Variants in FLNB observed in about 807,000 individuals in gnomAD.
The protein encoded by FLNB is filamin-B.
Under a neutral mutation model 250.6 loss-of-function variants are expected in FLNB, and 111 were observed. That is an observed-to-expected ratio of 0.44 (90% CI 0.38 to 0.52). FLNB has a LOEUF of 0.52. Among genes scored for constraint, FLNB ranks in the 20% least tolerant of loss-of-function variants. FLNB has a pLI of 0.00. For missense variants in FLNB, 2,869 were observed against 3,447.8 expected, an observed-to-expected ratio of 0.83 and a Z score of 4.20; for synonymous variants, 1,302 against 1,372.1, an observed-to-expected ratio of 0.95 and a Z score of 1.13.
chr3:58,112,266 T>C lies in FLNB; in HGVS notation c.2693T>C (p.Ile898Thr), dbSNP rs751936743. 6.2e-7 allele frequency: 1 copy of C among 1,614,024 alleles called. No homozygotes were observed. The highest frequency in any genetic ancestry group is 1.1e-5 in the South Asian group (1 of 91,074). ...LPGDAVKDLDIIDNYDYSHTV... is the reference protein window; with the variant it reads ...LPGDAVKDLDTIDNYDYSHTV... ...GGCGATGCAGTGAAGGATTTGGATA[T>C]CATCGATAATTATGACTACTCTCAC... is the stretch of plus-strand genomic sequence containing the variant. Residue 898 changes from isoleucine (I) to threonine (T), a missense_variant, in exon 18 of 46, where the codon ATC becomes ACC. Ile to Thr is a moderately conservative substitution (Grantham distance 89, BLOSUM62 -1). Around this residue, in one of 5 missense-constraint regions of FLNB, gnomAD observed 1,348 missense variants for 1,466.7 expected, o/e 0.92. Coordinates refer to ENST00000295956, the MANE Select transcript of FLNB (RefSeq NM_001457.4).
rs901890846 is a variant in FLNB at position 58,169,323 on chromosome 3, G to C, written c.7418-267G>C. ...CCACAGGCACATCTTTGGTGGGTAGGGGGTGGGGGGATTGGGAGGGTCCTT... is the reference window on the plus strand; with the variant it reads ...CCACAGGCACATCTTTGGTGGGTAGCGGGTGGGGGGATTGGGAGGGTCCTT... On this transcript the variant is annotated intron_variant, in intron 44 of 45. Coordinates refer to ENST00000295956, the MANE Select transcript of FLNB (RefSeq NM_001457.4). This position sits in a 1 kb window ranked among gnomAD's most constrained non-coding sequence, Gnocchi z 4.8. The C allele has an allele frequency of 5.8e-6, 3 of 516,788 alleles. No homozygotes were observed. Among genetic ancestry groups the C allele is most frequent in the African/African-American group, 5.8e-5 (3 of 52,166 alleles). 32.0% of individuals were successfully genotyped at this position (516,788 alleles called of 1,614,324 possible). A position where few individuals can be genotyped will look rare whatever the true frequency, so the allele number is the denominator to read the frequency against.
At chr3:58,039,789 A>G (rs897395844) in intron 1 of FLNB, among the ~76,000 whole-genome samples, 5 of 152,108 alleles carry the variant, frequency 3.3e-5, no homozygotes, top group Non-Finnish European at 5.9e-5. Flanking sequence ...GGTGGTGGGG[A>G]GGGTAGCACT....
At chr3:58,132,109 C>CT in intron 25 of FLNB, 1 of 840,036 alleles carries the variant, frequency 1.2e-6, no homozygotes, top group South Asian at 1.5e-5. Context: ...GCCTCATCTG[C>CT]TTTGCTTAAT....
At chr3:58,031,366 C>T (rs1364831419) in intron 1 of FLNB, among the ~76,000 whole-genome samples, 1 of 151,948 alleles carries the variant, frequency 6.6e-6, no homozygotes, top group Non-Finnish European at 1.5e-5. Context: ...CCTCAGCCTC[C>T]CGAGTAGCTG....
At chr3:58,027,511 G>A (rs977914642) in intron 1 of FLNB, among the ~76,000 whole-genome samples, 1 of 151,846 alleles carries the variant, frequency 6.6e-6, no homozygotes, top group African/African-American at 2.4e-5. Context: ...TGAATTCCTG[G>A]CCTCAATTGA....
intron 26 of FLNB, among the ~76,000 whole-genome samples, chr3:58,134,309 AAC>A (rs2097312612): frequency 6.6e-6 from 1 of 152,204 alleles, no homozygotes; most frequent in Non-Finnish European, 1.5e-5. Context: ...TCTGAGGTGG[AAC>A]AGTTTTATCC....
At chr3:58,130,962 G>C in intron 25 of FLNB, 54 bp downstream of exon 25, 1 of 1,553,372 alleles carries the variant, frequency 6.4e-7, no homozygotes, top group Non-Finnish European at 8.8e-7. Context: ...GGCAGGGGCA[G>C]CTGTAACCCA....
At chr3:58,100,373 A>AAAAAAAATATATGTATATATATAT in intron 8 of FLNB, among the ~76,000 whole-genome samples, 1 of 104,386 alleles carries the variant, frequency 9.6e-6, no homozygotes, top group African/African-American at 4.6e-5. Flanking sequence ...GTAAAAAAAA[A>AAAAAAAATATATGTATATATATAT]ATATATATAT....
At chr3:58,095,819 GC>G (rs1298111181) in intron 5 of FLNB, among the ~76,000 whole-genome samples, 1 of 152,188 alleles carries the variant, frequency 6.6e-6, no homozygotes, top group Non-Finnish European at 1.5e-5. Context: ...CTAACACTGG[GC>G]CCTGCATTTC....
At chr3:58,126,434 C>CT (rs1260871222) in intron 23 of FLNB, among the ~76,000 whole-genome samples, 168 bp from the exon 24 acceptor site, 1 of 152,074 alleles carries the variant, frequency 6.6e-6, no homozygotes, top group Non-Finnish European at 1.5e-5. Context: ...GTCAGAGTGT[C>CT]TTTACTTACA....
chr3:58,066,499 A>T (rs2097185955), intron 1 of FLNB, among the ~76,000 whole-genome samples: 1 of 152,226 alleles, frequency 6.6e-6, no homozygotes, highest in Non-Finnish European at 1.5e-5. Context: ...GATTACAGGC[A>T]TAAGCCATCA....
At chr3:58,136,746 C>CTTTCT (rs2097316728) in intron 28 of FLNB, among the ~76,000 whole-genome samples, 1 of 79,798 alleles carries the variant, frequency 1.3e-5, no homozygotes, top group African/African-American at 5.5e-5. Flanking sequence ...ACAGGCCATT[C>CTTTCT]TTTTTTTTTT....
chr3:58,143,367 C>A, intron 31 of FLNB, 106 bp from the exon 32 acceptor site: 2 of 1,190,822 alleles, frequency 1.7e-6, no homozygotes, highest in Non-Finnish European at 2.5e-6. Context: ...AACGAATGTT[C>A]TTGGGTCTGG....
intron 41 of FLNB, 57 bp from the exon 42 acceptor site, chr3:58,159,497 G>C: frequency 4.5e-6 from 7 of 1,569,676 alleles, no homozygotes; most frequent in Non-Finnish European, 6.1e-6. Flanking sequence ...GGGTCAGTGT[G>C]TGCCACTGAG....
At chr3:58,122,947 G>C in intron 20 of FLNB, 146 bp from the exon 21 acceptor site, 2 of 779,710 alleles carry the variant, frequency 2.6e-6, no homozygotes, top group Admixed American at 3.6e-5. Flanking sequence ...GCTTTAACTC[G>C]TGTGCACGTG....
intron 1 of FLNB, among the ~76,000 whole-genome samples, chr3:58,017,022 A>G (rs1221142647): frequency 1.3e-5 from 2 of 152,204 alleles, no homozygotes; most frequent in Non-Finnish European, 2.9e-5. Flanking sequence ...CAGGAGCTTG[A>G]GAAGTGATCT....
At chr3:58,021,152 C>T (rs541468164) in intron 1 of FLNB, among the ~76,000 whole-genome samples, 2 of 152,294 alleles carry the variant, frequency 1.3e-5, no homozygotes, top group South Asian at 4.2e-4. Flanking sequence ...TTGGCATCTA[C>T]AGCCTATTGT....
At chr3:58,015,374 T>A (rs1427759973) in intron 1 of FLNB, among the ~76,000 whole-genome samples, 1 of 152,224 alleles carries the variant, frequency 6.6e-6, no homozygotes, top group Non-Finnish European at 1.5e-5. Flanking sequence ...CCAGATATTT[T>A]TGGAATCCTA....
chr3:58,105,216 G>A lies in FLNB; in HGVS notation c.1747G>A (p.Gly583Arg), dbSNP rs1213631482. 6.2e-7 allele frequency: 1 copy of A among 1,614,040 alleles called. No individual in the cohort carries two copies. Among genetic ancestry groups the A allele is most frequent in the Non-Finnish European group, 8.5e-7 (1 of 1,180,040 alleles). ...ESIGSEVGSL[G>R]FAIEGPSQAK... ...CATTGGCTCTGAAGTGGGGTCTCTG[G>A]GTAAGTGGACACAGCTGACCAGCAT... The change falls in exon 11 of 46, where the codon GGG becomes AGG. Residue 583 changes from glycine to arginine, a missense_variant and splice_region_variant. Physicochemically the swap from Gly to Arg is moderately radical, Grantham distance 125. Coordinates refer to ENST00000295956, the MANE Select transcript of FLNB (RefSeq NM_001457.4).
Sources: gnomAD v4.1 joint callset for allele counts (sites outside exome capture counted in the v4.1 genomes callset) on GRCh38, gnomAD v4.1.1 for gene constraint, gnomAD v4.1.1 regional missense constraint, Gnocchi (gnomAD v3.1) non-coding constraint, MANE v1.5 for transcripts, NCBI Gene and HGNC (gene_info 2026-07-23, HGNC 2026-07-21) for gene names.